Variants in SDCBP2 observed in about 807,000 individuals in gnomAD.
SDCBP2 encodes syndecan binding protein 2.
A neutral mutation model predicts 30.7 loss-of-function variants in SDCBP2; 28 were observed. The ratio of observed to expected loss-of-function variants is 0.91; its 90% CI spans 0.68 to 1.25. SDCBP2 has a LOEUF of 1.25. SDCBP2 is among the 50% of genes most tolerant of loss of function. SDCBP2 has a pLI of 0.00. For missense variants in SDCBP2, 399 were observed against 379.0 expected (o/e 1.05, Z -0.44); for synonymous variants, 166 against 157.3 (o/e 1.06, Z -0.41).
Position 1,313,605 on chromosome 20 carries a change from CG to C in SDCBP2, c.226-108del. 3 of 1,429,628 alleles carry C rather than the reference CG, an allele frequency of 2.1e-6. No individual in the cohort carries two copies. In the South Asian group the frequency reaches 4.4e-5, roughly 21 times the overall value. The allele number at this position is 1,429,628 out of a possible 1,614,324, so 88.6% of individuals were successfully genotyped here. The stretch of plus-strand genomic sequence containing the variant: ...GGGGAAAGGAGGATGGAGCCGTCCC[CG>C]GGTCCCCCCACGTCCCCAGTCCACG... On this transcript the variant is annotated intron_variant, in intron 4 of 8. Transcript: ENST00000360779. This position sits in a 1 kb window ranked among gnomAD's most constrained non-coding sequence, Gnocchi z 5.2.
chr20:1,312,535 T>C (rs761070671), intron 6 of SDCBP2, 27 bp from the exon 7 acceptor site: 5 of 1,613,950 alleles, frequency 3.1e-6, no homozygotes, highest in Non-Finnish European at 4.2e-6. Context: ...TGAGCTGTCC[T>C]GGGGACATGG....
At chr20:1,317,501 A>G (rs556000863) in intron 4 of SDCBP2, 2 of 152,746 alleles carry the variant, frequency 1.3e-5, no homozygotes, top group Admixed American at 6.5e-5. Flanking sequence ...TGCCTACAGA[A>G]GGACCTTCTT....
chr20:1,327,207 G>A (rs2088940958), intron 1 of SDCBP2, among the ~76,000 whole-genome samples: 1 of 152,128 alleles, frequency 6.6e-6, no homozygotes, highest in African/African-American at 2.4e-5. Context: ...TGTACTTTTT[G>A]ATATAAGCAA....
chr20:1,320,550 A>C lies in SDCBP2; in HGVS notation c.-19-115T>G. 1 of 767,520 alleles carries C rather than the reference A, an allele frequency of 1.3e-6. No individual in the cohort carries two copies. Among genetic ancestry groups the C allele is most frequent in the Non-Finnish European group, 2.2e-6 (1 of 461,908 alleles). The allele number at this position is 767,520 out of a possible 1,614,324, so 47.5% of individuals were successfully genotyped here. On this transcript the variant is annotated intron_variant, in intron 1 of 8. Transcript: ENST00000360779. This position sits in a 1 kb window ranked among gnomAD's most constrained non-coding sequence, Gnocchi z 4.7. ...GAACTTAATATTCAAACAGAAAGGC[A>C]GCAGGGCACTTAGAATGCCTCCCCG...
intron 4 of SDCBP2, among the ~76,000 whole-genome samples, chr20:1,317,145 T>C (rs1270843898): frequency 6.6e-6 from 1 of 152,086 alleles, no homozygotes; most frequent in Non-Finnish European, 1.5e-5. Flanking sequence ...GTGGTTGTGG[T>C]GATGAACTAG....
At chr20:1,327,760 T>C (rs2088950688) in intron 1 of SDCBP2, among the ~76,000 whole-genome samples, 1 of 152,258 alleles carries the variant, frequency 6.6e-6, no homozygotes, top group South Asian at 2.1e-4. Flanking sequence ...AAGGTGTATA[T>C]GGAAAGCATT....
rs752602483 is a variant in SDCBP2, at chr20:1,310,425, C to T, written c.*16G>A. On this transcript the variant is annotated 3_prime_UTR_variant, in exon 9 of 9. Coordinates refer to ENST00000360779, the MANE Select transcript of SDCBP2 (RefSeq NM_080489.5). Reference sequence around the variant, plus strand: ...GGGCGGGAAGCCCCCCCTGCCTGCCCTGCCCTGCAGTGGCTTCAGGCATCT... The same window carrying T: ...GGGCGGGAAGCCCCCCCTGCCTGCCTTGCCCTGCAGTGGCTTCAGGCATCT... 9.9e-6 allele frequency: 16 copies of T among 1,612,740 alleles called. No individual in the cohort carries two copies. Among genetic ancestry groups the T allele is most frequent in the Non-Finnish European group, 8.5e-7 (1 of 1,179,724 alleles).
rs771413285 is a variant in SDCBP2 at position 1,320,317 on chromosome 20, A to G, written c.54+46T>C. On this transcript the variant is annotated intron_variant, in intron 2 of 8. Transcript: ENST00000360779. The surrounding 1 kb of genome is among the most constrained non-coding windows in gnomAD (Gnocchi z 4.7). ...CCCAGCACCTTCCAGGGTAATCCCC[A>G]AGGTCCCCTTCAGGGAATCCAGGCC... 1.9e-6 allele frequency: 3 copies of G among 1,576,410 alleles called. No homozygotes were observed. Among genetic ancestry groups the G allele is most frequent in the Non-Finnish European group, 2.6e-6 (3 of 1,149,092 alleles).
chr20:1,320,749 A>C lies in SDCBP2; in HGVS notation c.-19-314T>G, dbSNP rs2088840413. On this transcript the variant is annotated intron_variant, in intron 1 of 8. Transcript: ENST00000360779. The surrounding 1 kb of genome is among the most constrained non-coding windows in gnomAD (Gnocchi z 4.7). The stretch of plus-strand genomic sequence containing the variant: ...GACACTCAACAGGGCACTGCTCCAG[A>C]GGGAGGAGGGAATGGGGGGTGGAGA... 1 of 206,556 alleles carries C rather than the reference A, an allele frequency of 4.8e-6. No homozygotes were observed. Among genetic ancestry groups the C allele is most frequent in the Admixed American group, 5.4e-5 (1 of 18,362 alleles). 12.8% of individuals were successfully genotyped at this position (206,556 alleles called of 1,614,324 possible). A position where few individuals can be genotyped will look rare whatever the true frequency, so the allele number is the denominator to read the frequency against.
At position 1,313,753 on chromosome 20, in the gene SDCBP2, T is replaced by C; in HGVS notation, c.226-255A>G. 2 of 928,968 alleles carry C rather than the reference T, an allele frequency of 2.2e-6. No individual in the cohort carries two copies. Among genetic ancestry groups the C allele is most frequent in the Non-Finnish European group, 2.8e-6 (2 of 702,598 alleles). The allele number at this position is 928,968 out of a possible 1,614,324, so 57.5% of individuals were successfully genotyped here. ...GGGGCGAGGATACAGGAAGAGGCCC[T>C]TCATTTCCCAAGGGAAACTGGCATC... On this transcript the variant is annotated intron_variant, in intron 4 of 8. Transcript: ENST00000360779. This position sits in a 1 kb window ranked among gnomAD's most constrained non-coding sequence, Gnocchi z 5.2.
intron 1 of SDCBP2, among the ~76,000 whole-genome samples, chr20:1,325,096 T>C (rs1424528206): frequency 2.0e-5 from 3 of 152,120 alleles, no homozygotes; most frequent in African/African-American, 7.2e-5. Context: ...CTTTGGGAAA[T>C]AGGAGCCACA....
chr20:1,327,196 C>T (rs187133973), intron 1 of SDCBP2, among the ~76,000 whole-genome samples: 1 of 152,312 alleles, frequency 6.6e-6, no homozygotes, highest in East Asian at 1.9e-4. Context: ...CCCTGAGCTT[C>T]TGTACTTTTT....
At position 1,324,090 on chromosome 20, in the gene SDCBP2, A is replaced by G. The variant is rs1380654375; in HGVS notation, c.-19-3655T>C. 6.6e-6 allele frequency: 1 copy of G among 152,210 alleles called. No individual in the cohort carries two copies. The highest frequency in any genetic ancestry group is 1.5e-5 in the Non-Finnish European group (1 of 68,062). 9.4% of individuals were successfully genotyped at this position (152,210 alleles called of 1,614,324 possible). ...GTGATGCTCCTTCGAGGCTCAGTTC[A>G]GATGCTACTTCTCTGCTTGGCTTTT... On this transcript the variant is annotated intron_variant, in intron 1 of 8. Transcript: ENST00000360779. The surrounding 1 kb of genome is among the most constrained non-coding windows in gnomAD (Gnocchi z 4.7).
chr20:1,321,727 G>C lies in SDCBP2; in HGVS notation c.-19-1292C>G, dbSNP rs1299169880. The C allele has an allele frequency of 6.6e-6, 1 of 152,240 alleles. No individual in the cohort carries two copies. The highest frequency in any genetic ancestry group is 1.5e-5 in the Non-Finnish European group (1 of 68,058). 9.4% of individuals were successfully genotyped at this position (152,240 alleles called of 1,614,324 possible). A position where few individuals can be genotyped will look rare whatever the true frequency, so the allele number is the denominator to read the frequency against. On this transcript the variant is annotated intron_variant, in intron 1 of 8. Coordinates refer to ENST00000360779, the MANE Select transcript of SDCBP2 (RefSeq NM_080489.5). The surrounding 1 kb of genome is among the most constrained non-coding windows in gnomAD (Gnocchi z 5.2). Reference sequence around the variant, plus strand: ...TCACAGGGCCTTCACGATTCCACCAGAGATTGGAACTGGTGGGCCCAGGGC... The same window carrying C: ...TCACAGGGCCTTCACGATTCCACCACAGATTGGAACTGGTGGGCCCAGGGC...
At chr20:1,312,013 C>T (rs1273795327) in intron 7 of SDCBP2, among the ~76,000 whole-genome samples, 2 of 151,512 alleles carry the variant, frequency 1.3e-5, no homozygotes, top group Non-Finnish European at 2.9e-5. Flanking sequence ...AGTCCTCCCA[C>T]CTCAGCCTCC....
At chr20:1,316,983 A>G (rs896173239) in intron 4 of SDCBP2, among the ~76,000 whole-genome samples, 2 of 152,196 alleles carry the variant, frequency 1.3e-5, no homozygotes, top group African/African-American at 2.4e-5. Flanking sequence ...GAAAAAAGCC[A>G]ACCTCAAATG....
In SDCBP2 at chr20:1,310,828, T is replaced by C. The variant is rs373203370; in HGVS notation, c.796A>G (p.Ser266Gly). The change falls in exon 8 of 9, where the codon AGT becomes GGT. Residue 266 changes from serine to glycine, a missense_variant. Physicochemically the swap from Ser to Gly is moderately conservative, Grantham distance 56. Coordinates refer to ENST00000360779, the MANE Select transcript of SDCBP2 (RefSeq NM_080489.5). ...GNVVTLTIIP[S>G]VIYEHMVKKL... ...TTGACCATGTGCTCGTAGATCACAC[T>C]GGGGATGATGGTCAGGGTGACAACG... The C allele has an allele frequency of 9.1e-5, 147 of 1,613,830 alleles. No homozygotes were observed. The highest frequency in any genetic ancestry group is 5.9e-4 in the South Asian group (54 of 91,070).
At chr20:1,327,546 G>T (rs2088947858) in intron 1 of SDCBP2, among the ~76,000 whole-genome samples, 1 of 152,220 alleles carries the variant, frequency 6.6e-6, no homozygotes, top group Admixed American at 6.5e-5. Context: ...GTGCTGCACT[G>T]CCTGCTGGGG....
At chr20:1,311,956 G>A (rs2088677884) in intron 7 of SDCBP2, among the ~76,000 whole-genome samples, 1 of 143,208 alleles carries the variant, frequency 7.0e-6, no homozygotes, top group Admixed American at 7.3e-5. Flanking sequence ...CTGGAGTGCA[G>A]TGGCATGATC....
Sources: allele counts gnomAD v4.1 joint callset (sites outside exome capture counted in the v4.1 genomes callset), GRCh38; gene constraint gnomAD v4.1.1; non-coding constraint Gnocchi (gnomAD v3.1); transcripts MANE v1.5; gene names NCBI Gene and HGNC (gene_info 2026-07-23, HGNC 2026-07-21).